TMEM196: variants seen among roughly 807,000 people sequenced by gnomAD.
The protein encoded by TMEM196 is transmembrane protein 196.
In TMEM196, 17 loss-of-function variants were observed where a neutral mutation model predicts 20.0. That is an observed-to-expected ratio of 0.85 (90% confidence interval 0.58 to 1.27). The LOEUF (loss-of-function observed/expected upper bound fraction) is 1.27. TMEM196 is among the 50% of genes most tolerant of loss of function. The pLI is 0.00. For missense variants in TMEM196, 267 were observed against 223.0 expected (o/e 1.20, Z -1.26); for synonymous variants, 113 against 88.9 (o/e 1.27, Z -1.52).
At position 19,751,617 on chromosome 7, in the gene TMEM196, G is replaced by T. The variant is rs75259408; in HGVS notation, c.147+20933C>A. ...AAAATATTAACGTGATAATGCTTAT[G>T]ATATTTTTGGTATATTTCTAATGTC... On this transcript the variant is annotated intron_variant, in intron 1 of 4. Coordinates refer to ENST00000405844, the MANE Select transcript of TMEM196 (RefSeq NM_001363562.2). 5.4e-4 allele frequency among the ~76,000 whole-genome samples: 82 copies of T among 152,246 alleles called. No individual in the cohort carries two copies. In the East Asian group the frequency reaches 0.011, roughly 20 times the overall value.
rs548110570 is a variant in TMEM196 at position 19,736,532 on chromosome 7, G to A, written c.148-7094C>T. On this transcript the variant is annotated intron_variant, in intron 1 of 4. Transcript: ENST00000405844. ...TAACCAGTTAAAAATTAGAGTATCC[G>A]GGGTAGGACTCAGACATCATTATTT... 4.0e-5 allele frequency among the ~76,000 whole-genome samples: 6 copies of A among 151,398 alleles called. No individual in the cohort carries two copies. In the East Asian group the frequency reaches 7.7e-4, roughly 20 times the overall value.
chr7:19,752,835 G>A (rs950337680), intron 1 of TMEM196, among the ~76,000 whole-genome samples: 5 of 151,876 alleles, frequency 3.3e-5, no homozygotes, highest in Non-Finnish European at 7.4e-5. Flanking sequence ...GGCTGGTCTC[G>A]AACTCCTGAC....
At chr7:19,725,818 C>T (rs1243222752) in intron 2 of TMEM196, 50 bp from the exon 3 acceptor site, 1 of 1,539,894 alleles carries the variant, frequency 6.5e-7, no homozygotes, top group African/African-American at 1.4e-5. Flanking sequence ...CAAACCTGAC[C>T]AGAACACAGT....
chr7:19,761,347 A>C (rs576855351), intron 1 of TMEM196, among the ~76,000 whole-genome samples: 3 of 152,338 alleles, frequency 2.0e-5, no homozygotes, highest in Admixed American at 1.3e-4. Flanking sequence ...TGAAGGACTG[A>C]AATAATGTAA....
chr7:19,750,333 C>T (rs1294538573), intron 1 of TMEM196, among the ~76,000 whole-genome samples: 1 of 152,016 alleles, frequency 6.6e-6, no homozygotes, highest in South Asian at 2.1e-4. Context: ...CACATTGTAG[C>T]CATAAATATA....
At chr7:19,749,570 C>T (rs1439256527) in intron 1 of TMEM196, among the ~76,000 whole-genome samples, 1 of 152,074 alleles carries the variant, frequency 6.6e-6, no homozygotes, top group African/African-American at 2.4e-5. Context: ...ATGTATGGAA[C>T]ATGATGTTAT....
At chr7:19,730,262 GAA>G (rs202189627) in intron 1 of TMEM196, among the ~76,000 whole-genome samples, 8 of 119,782 alleles carry the variant, frequency 6.7e-5, no homozygotes, top group Admixed American at 1.6e-4. Flanking sequence ...TCTCAAAAAA[GAA>G]AAAAAAAAAA....
At chr7:19,757,337 C>G (rs962943660) in intron 1 of TMEM196, among the ~76,000 whole-genome samples, 23 of 70,866 alleles carry the variant, frequency 3.2e-4, no homozygotes, top group Non-Finnish European at 4.1e-4. Flanking sequence ...CCACACCCAG[C>G]TTTTTTTTTT....
rs554670256 is a variant in TMEM196, at chr7:19,765,976, A to G, written c.147+6574T>C. 2.6e-5 allele frequency among the ~76,000 whole-genome samples: 4 copies of G among 152,282 alleles called. No homozygotes were observed. The South Asian group carries it at 8.3e-4, about 32-fold the overall frequency. On this transcript the variant is annotated intron_variant, in intron 1 of 4. Coordinates refer to ENST00000405844, the MANE Select transcript of TMEM196 (RefSeq NM_001363562.2). ...TCTAGGTCCTAGGGAGGCAAGGAGC[A>G]GCACAGGCCAGCAGAGAGAAAGCAG...
At chr7:19,737,993 A>C (rs1784466620) in intron 1 of TMEM196, among the ~76,000 whole-genome samples, 1 of 152,064 alleles carries the variant, frequency 6.6e-6, no homozygotes, top group African/African-American at 2.4e-5. Flanking sequence ...ATACTATATA[A>C]CTATAATAAA....
intron 1 of TMEM196, among the ~76,000 whole-genome samples, chr7:19,756,637 G>T (rs1225978920): frequency 7.1e-6 from 1 of 139,994 alleles, no homozygotes; most frequent in Non-Finnish European, 1.6e-5. Context: ...CTTTAAAAGT[G>T]AGCTCTTATT....
At chr7:19,742,325 A>G (rs1033426517) in intron 1 of TMEM196, among the ~76,000 whole-genome samples, 1 of 152,152 alleles carries the variant, frequency 6.6e-6, no homozygotes, top group Non-Finnish European at 1.5e-5. Flanking sequence ...TGGTCTTCGA[A>G]GGACTATAAC....
intron 4 of TMEM196, among the ~76,000 whole-genome samples, chr7:19,723,671 C>A (rs1419036038): frequency 6.6e-6 from 1 of 152,136 alleles, no homozygotes; most frequent in Non-Finnish European, 1.5e-5. Flanking sequence ...TGACTATTTG[C>A]AAATGGGCTT....
In TMEM196 at chr7:19,725,522, C is replaced by A; in HGVS notation, c.451G>T (p.Ala151Ser). 3 of 1,604,588 alleles carry A rather than the reference C, an allele frequency of 1.9e-6. No individual in the cohort carries two copies. Among genetic ancestry groups the A allele is most frequent in the South Asian group, 2.2e-5 (2 of 90,914 alleles). The part of the protein sequence containing the change: ...EHSLHHSHEM[A>S]EKRLRAIEIT... Reference sequence around the variant, plus strand: ...AAAGGTACAAAACTCACTTTCTCAGCCATTTCATGAGAGTGATGCAGGGAA... The same window carrying A: ...AAAGGTACAAAACTCACTTTCTCAGACATTTCATGAGAGTGATGCAGGGAA... Residue 151 changes from alanine (A) to serine (S), a missense_variant, in exon 3 of 5, where the codon GCT (alanine) becomes TCT (serine). Transcript: ENST00000405844.
chr7:19,726,341 T>A (rs568071410), intron 2 of TMEM196, among the ~76,000 whole-genome samples: 1 of 152,322 alleles, frequency 6.6e-6, no homozygotes, highest in Admixed American at 6.5e-5. Flanking sequence ...CTTCAAATCT[T>A]TATATCTTCC....
intron 1 of TMEM196, among the ~76,000 whole-genome samples, chr7:19,733,402 A>G (rs528735605): frequency 5.9e-5 from 9 of 152,316 alleles, no homozygotes; most frequent in South Asian, 2.1e-4. Context: ...GATAACTTCA[A>G]TTCAAAGAGG....
At chr7:19,723,349 A>G (rs758638198) in intron 4 of TMEM196, among the ~76,000 whole-genome samples, 2 of 152,174 alleles carry the variant, frequency 1.3e-5, no homozygotes, top group Admixed American at 6.6e-5. Flanking sequence ...ATAAATTTAC[A>G]TAAACCCGTT....
intron 1 of TMEM196, among the ~76,000 whole-genome samples, chr7:19,734,792 C>A (rs1343908762): frequency 1.3e-5 from 2 of 152,070 alleles, no homozygotes; most frequent in Non-Finnish European, 2.9e-5. Flanking sequence ...TTGTTTTAAG[C>A]CACGAAATTT....
intron 4 of TMEM196, 53 bp downstream of exon 4, chr7:19,724,227 A>G (rs2128011860): frequency 6.8e-7 from 1 of 1,461,536 alleles, no homozygotes; most frequent in Non-Finnish European, 9.4e-7. Flanking sequence ...TGGAAGGGGA[A>G]GTGCTTTCTG....
Sources: allele counts gnomAD v4.1 joint callset (sites outside exome capture counted in the v4.1 genomes callset), GRCh38; gene constraint gnomAD v4.1.1; transcripts MANE v1.5; gene names NCBI Gene and HGNC (gene_info 2026-07-23, HGNC 2026-07-21).